The following MCF2L variants were observed in gnomAD, a reference collection of about 807,000 sequenced individuals.
MCF2L encodes MCF.2 cell line derived transforming sequence like.
MCF2L carries 97 observed loss-of-function variants against 153.4 expected under a neutral mutation model. The ratio of observed to expected loss-of-function variants is 0.63; its 90% CI spans 0.54 to 0.75. The LOEUF is 0.75. Among genes scored for constraint, MCF2L ranks in the 30% least tolerant of loss-of-function variants. MCF2L has a pLI of 0.00. For missense variants in MCF2L, 1,347 were observed against 1,495.2 expected (o/e 0.90, Z 1.64); for synonymous variants, 659 against 632.2 (o/e 1.04, Z -0.64).
intron 1 of MCF2L, chr13:112,985,381 C>T (rs2082593189): frequency 4.2e-6 from 2 of 470,690 alleles, no homozygotes; most frequent in Admixed American, 2.3e-5. Flanking sequence ...CTGATCCTCG[C>T]CATGGGGGAC....
intron 2 of MCF2L, 39 bp downstream of exon 2, chr13:113,014,885 G>C: frequency 6.3e-7 from 1 of 1,591,534 alleles, no homozygotes; most frequent in East Asian, 2.2e-5. Context: ...AGAGGGAGGG[G>C]TCTGGGGCCG....
chr13:113,014,223 G>T lies in MCF2L; in HGVS notation c.80-540G>T, dbSNP rs534447245. ...GGGTCGACCCTGCTGTTGCCATCCT[G>T]CCTCATTTGTGTCCGTCTAATGGCG... On this transcript the variant is annotated intron_variant, in intron 1 of 29. Transcript: ENST00000535094. Among the ~76,000 whole-genome samples the T allele has an allele frequency of 2.6e-4, 40 of 152,302 alleles. No individual in the cohort carries two copies. The East Asian group carries it at 7.0e-3, about 27-fold the overall frequency.
intron 26 of MCF2L, chr13:113,091,264 G>C (rs1435408242): frequency 2.3e-6 from 3 of 1,279,996 alleles, no homozygotes; most frequent in Non-Finnish European, 3.1e-6. Flanking sequence ...CTGGCTGTCA[G>C]GTGGCCGTCA....
chr13:112,967,979 A>G (rs1219106294), upstream of MCF2L: 1 of 197,654 alleles, frequency 5.1e-6, no homozygotes, highest in Non-Finnish European at 1.1e-5. Flanking sequence ...GCTCTGTTGG[A>G]CGCTGGAATG....
intron 2 of MCF2L, among the ~76,000 whole-genome samples, chr13:112,931,202 TG>T (rs1480558247): frequency 6.6e-6 from 1 of 152,182 alleles, no homozygotes; most frequent in Non-Finnish European, 1.5e-5. Flanking sequence ...AGCCAACCTG[TG>T]CTGAAGATGC....
At chr13:112,914,323 C>G (rs2081267616) in intron 2 of MCF2L, among the ~76,000 whole-genome samples, 1 of 152,240 alleles carries the variant, frequency 6.6e-6, no homozygotes, top group Non-Finnish European at 1.5e-5. Context: ...TCCCCTCGCT[C>G]TGTCTTCGGG....
At chr13:113,088,749 G>A (rs760569861) in intron 25 of MCF2L, 121 bp downstream of exon 25, 2 of 1,018,134 alleles carry the variant, frequency 2.0e-6, no homozygotes, top group Non-Finnish European at 2.9e-6. Context: ...TTTTCCTTGA[G>A]GCCCCTGGTG....
chr13:113,087,471 GT>G lies in MCF2L; in HGVS notation c.2595+16del. The stretch of plus-strand genomic sequence containing the variant: ...AGTCCTTAAACGTAAGTGAGGCCGG[GT>G]CTGCAGCAGCACGCTCCTGGCCACA... On this transcript the variant is annotated intron_variant, in intron 22 of 29. Coordinates refer to ENST00000535094, the MANE Select transcript of MCF2L (RefSeq NM_001112732.3). 6.3e-7 allele frequency: 1 copy of G among 1,580,572 alleles called. No individual in the cohort carries two copies. The highest frequency in any genetic ancestry group is 8.6e-7 in the Non-Finnish European group (1 of 1,158,368).
At chr13:113,072,104 T>C (rs995082026) in intron 9 of MCF2L, among the ~76,000 whole-genome samples, 1 of 152,234 alleles carries the variant, frequency 6.6e-6, no homozygotes, top group Non-Finnish European at 1.5e-5. Flanking sequence ...TAAGAAGTCA[T>C]CACAGTATTA....
At position 113,086,232 on chromosome 13, in the gene MCF2L, G is replaced by A. The variant is rs763829216; in HGVS notation, c.2356G>A (p.Ala786Thr). ...CGTGAACGACTCCATGCACCTCATC[G>A]CTATCACCGGCTATGACGTAAGGCG... ...KAVNDSMHLI[A>T]ITGYDGNLGD... The change falls in exon 21 of 30, where the codon GCT becomes ACT. Residue 786 changes from alanine to threonine, a missense_variant. Coordinates refer to ENST00000535094, the MANE Select transcript of MCF2L (RefSeq NM_001112732.3). 2 of 1,609,746 alleles carry A rather than the reference G, an allele frequency of 1.2e-6. No individual in the cohort carries two copies. Among genetic ancestry groups the A allele is most frequent in the Non-Finnish European group, 1.7e-6 (2 of 1,178,280 alleles).
At chr13:112,922,180 A>G (rs1253607402) in intron 2 of MCF2L, among the ~76,000 whole-genome samples, 1 of 152,194 alleles carries the variant, frequency 6.6e-6, no homozygotes, top group Non-Finnish European at 1.5e-5. Context: ...TAAATTTGAA[A>G]GCGTAGAAGA....
intron 3 of MCF2L, among the ~76,000 whole-genome samples, chr13:113,029,874 C>G (rs1165949122): frequency 6.6e-6 from 1 of 152,246 alleles, no homozygotes; most frequent in African/African-American, 2.4e-5. Context: ...CCTGTTCTTT[C>G]ACATGTCAAT....
chr13:113,083,529 C>T (rs569877778), intron 17 of MCF2L, among the ~76,000 whole-genome samples: 14 of 152,346 alleles, frequency 9.2e-5, no homozygotes, highest in East Asian at 1.9e-4. Context: ...ATCCCCCAGA[C>T]GGTTTTCCCC....
chr13:113,001,889 C>T (rs2083397721), intron 1 of MCF2L: 1 of 1,581,904 alleles, frequency 6.3e-7, no homozygotes, highest in East Asian at 2.3e-5. Flanking sequence ...GGGTCGGGGG[C>T]TCCTGACTCG....
intron 2 of MCF2L, among the ~76,000 whole-genome samples, chr13:112,922,003 T>C (rs996350061): frequency 6.6e-6 from 1 of 151,856 alleles, no homozygotes; most frequent in African/African-American, 2.4e-5. Context: ...ATAGAAATAA[T>C]AAAAATAATA....
rs575414578 is a variant in MCF2L, at chr13:112,993,279, C to T, written c.80-21484C>T. Among the ~76,000 whole-genome samples the T allele has an allele frequency of 2.6e-5, 4 of 152,240 alleles. No individual in the cohort carries two copies. The highest frequency in any genetic ancestry group is 4.2e-4 in the South Asian group (2 of 4,812). ...CATGGTGGCGGGGGAGCGCCGGGCA[C>T]ACAACATGGTGGGTGTTCCTGGGCA... On this transcript the variant is annotated intron_variant, in intron 1 of 29. Coordinates refer to ENST00000535094, the MANE Select transcript of MCF2L (RefSeq NM_001112732.3). This position sits in a 1 kb window ranked among gnomAD's most constrained non-coding sequence, Gnocchi z 4.6.
At position 112,960,575 on chromosome 13, in the gene MCF2L, G is replaced by A. The variant is rs78324535; in HGVS notation, c.170-54188G>A. ...GGAAGGGGGGCTTTGGGGTTTCGGT[G>A]TCCAGGGCTGTGTCAGTTTCCTATT... is the stretch of plus-strand genomic sequence containing the variant. On this transcript the variant is annotated intron_variant, in intron 2 of 29. Coordinates refer to the MCF2L transcript ENST00000375608. This position sits in a 1 kb window ranked among gnomAD's most constrained non-coding sequence, Gnocchi z 4.2. Among the ~76,000 whole-genome samples the A allele has an allele frequency of 4.3e-3, 655 of 152,282 alleles. 6 individuals are homozygous for A. Among genetic ancestry groups the A allele is most frequent in the African/African-American group, 0.015 (622 of 41,562 alleles).
chr13:113,062,586 A>G (rs1220408074), intron 5 of MCF2L, among the ~76,000 whole-genome samples: 1 of 151,998 alleles, frequency 6.6e-6, no homozygotes, highest in Non-Finnish European at 1.5e-5. Flanking sequence ...AATGGGTTTC[A>G]CAGAAATCAC....
chr13:113,035,632 C>G lies in MCF2L; in HGVS notation c.279-9639C>G, dbSNP rs1014579326. ...AGGACAGCTTCGTGGCCGGCCGCCT[C>G]CATGGATTCGGGTGGGCACAGGTCC... On this transcript the variant is annotated intron_variant, in intron 3 of 29. Coordinates refer to ENST00000535094, the MANE Select transcript of MCF2L (RefSeq NM_001112732.3). The surrounding 1 kb of genome is among the most constrained non-coding windows in gnomAD (Gnocchi z 4.4). Among the ~76,000 whole-genome samples the G allele has an allele frequency of 3.9e-5, 6 of 152,182 alleles. No homozygotes were observed. Among genetic ancestry groups the G allele is most frequent in the Admixed American group, 1.3e-4 (2 of 15,276 alleles).
Sources: gnomAD v4.1 joint callset for allele counts (sites outside exome capture counted in the v4.1 genomes callset) on GRCh38, gnomAD v4.1.1 for gene constraint, Gnocchi (gnomAD v3.1) non-coding constraint, MANE v1.5 for transcripts, NCBI Gene and HGNC (gene_info 2026-07-23, HGNC 2026-07-21) for gene names.